CSMD1: variants seen among roughly 807,000 people sequenced by gnomAD.
CSMD1 encodes the protein CUB and sushi domain-containing protein 1.
CSMD1 carries 213 observed loss-of-function variants against 417.5 expected under a neutral mutation model. That is an observed-to-expected ratio of 0.51 (90% CI 0.46 to 0.57). The LOEUF (loss-of-function observed/expected upper bound fraction) is 0.57. Ranked by LOEUF, CSMD1 falls within the 20% of genes least tolerant of loss-of-function variation. The pLI, the probability that CSMD1 is intolerant of heterozygous loss-of-function variation, is 0.00. For synonymous variants in CSMD1, 2,862 were observed against 1,736.8 expected, an observed-to-expected ratio of 1.65 and a Z score of -16.11; for missense variants, 6,923 against 4,529.7, an observed-to-expected ratio of 1.53 and a Z score of -15.17.
intron 5 of CSMD1, among the ~76,000 whole-genome samples, chr8:3,947,787 C>T (rs765188370): frequency 4.6e-5 from 7 of 152,224 alleles, no homozygotes; most frequent in Non-Finnish European, 8.8e-5. Flanking sequence ...CTGTGTCTTC[C>T]GCTGTTCAAG....
intron 15 of CSMD1, among the ~76,000 whole-genome samples, chr8:3,401,957 C>G (rs897957834): frequency 1.4e-5 from 2 of 147,282 alleles, no homozygotes; most frequent in African/African-American, 5.0e-5. Flanking sequence ...TTCTTCTTTG[C>G]TTTTTTTTTT....
At chr8:3,280,142 T>C (rs1000387192) in intron 26 of CSMD1, among the ~76,000 whole-genome samples, 2 of 152,132 alleles carry the variant, frequency 1.3e-5, no homozygotes, top group Non-Finnish European at 2.9e-5. Context: ...TCTTCACCCA[T>C]GCTGGGGCTT....
chr8:3,505,065 A>T lies in CSMD1; in HGVS notation c.1345-11339T>A, dbSNP rs146298294. On this transcript the variant is annotated intron_variant, in intron 10 of 69. Transcript: ENST00000635120. ...TAAGATGGGAGAATAAGCTAGTGAG[A>T]ATTTCAGGAGAATTTCTGTAACCCC... is the stretch of plus-strand genomic sequence containing the variant. Among the ~76,000 whole-genome samples the T allele has an allele frequency of 8.3e-4, 127 of 152,266 alleles. 3 individuals carry two copies. The East Asian group carries it at 0.019, about 23-fold the overall frequency.
intron 1 of CSMD1, among the ~76,000 whole-genome samples, chr8:4,942,177 C>A (rs1411757877): frequency 6.6e-6 from 1 of 152,098 alleles, no homozygotes; most frequent in South Asian, 2.1e-4. Flanking sequence ...TTATTTTCAT[C>A]CACTTTTGCT....
intron 3 of CSMD1, among the ~76,000 whole-genome samples, chr8:4,135,956 T>A (rs34460876): frequency 2.6e-5 from 4 of 151,928 alleles, no homozygotes; most frequent in African/African-American, 9.7e-5. Flanking sequence ...CTATTGGTGT[T>A]AAGTCAAATA....
intron 5 of CSMD1, among the ~76,000 whole-genome samples, chr8:3,818,054 G>C (rs1001923013): frequency 1.3e-5 from 2 of 152,032 alleles, no homozygotes; most frequent in Non-Finnish European, 2.9e-5. Context: ...GTTCTATTCG[G>C]CTTGGAGCAG....
At position 3,611,656 on chromosome 8, in the gene CSMD1, T is replaced by C. The variant is rs563121712; in HGVS notation, c.1097+5054A>G. ...TTTCAAAAGCTGGTATCTATCATCA[T>C]GAGTTTGACAGTTTTTCAATGCTTT... is the stretch of plus-strand genomic sequence containing the variant. On this transcript the variant is annotated intron_variant, in intron 8 of 69. Coordinates refer to ENST00000635120, the MANE Select transcript of CSMD1 (RefSeq NM_033225.6). Among the ~76,000 whole-genome samples the C allele has an allele frequency of 9.2e-5, 14 of 152,304 alleles. No individual in the cohort carries two copies. In the East Asian group the frequency reaches 2.5e-3, roughly 27 times the overall value.
chr8:4,215,982 C>G (rs147963275), intron 3 of CSMD1, among the ~76,000 whole-genome samples: 170 of 152,290 alleles, frequency 1.1e-3, no homozygotes, highest in African/African-American at 3.9e-3. Context: ...GACTTAAACT[C>G]AGAGAGTGGT....
intron 50 of CSMD1, among the ~76,000 whole-genome samples, chr8:3,046,231 C>T (rs77418419): frequency 5.9e-5 from 9 of 152,224 alleles, no homozygotes; most frequent in Middle Eastern, 3.4e-3. Flanking sequence ...GGGTTTCAGG[C>T]GCTCAGGTGG....
chr8:4,194,034 T>A (rs1288088139), intron 3 of CSMD1, among the ~76,000 whole-genome samples: 2 of 152,172 alleles, frequency 1.3e-5, no homozygotes, highest in African/African-American at 2.4e-5. Flanking sequence ...AGGCATGATA[T>A]TAAAATTATA....
At chr8:3,308,971 C>T (rs999989374) in intron 23 of CSMD1, among the ~76,000 whole-genome samples, 1 of 151,992 alleles carries the variant, frequency 6.6e-6, no homozygotes, top group Non-Finnish European at 1.5e-5. Flanking sequence ...GCAATCCACC[C>T]CCTCAGCCTC....
At chr8:4,056,143 A>G (rs1404570186) in intron 3 of CSMD1, among the ~76,000 whole-genome samples, 1 of 127,448 alleles carries the variant, frequency 7.8e-6, no homozygotes, top group Non-Finnish European at 1.6e-5. Flanking sequence ...ATACAGTGGC[A>G]CCATCTTGGC....
intron 26 of CSMD1, among the ~76,000 whole-genome samples, chr8:3,270,477 A>G (rs1388293314): frequency 6.6e-6 from 1 of 152,248 alleles, no homozygotes; most frequent in Non-Finnish European, 1.5e-5. Flanking sequence ...TGGTTACTTA[A>G]AAAATGACCA....
chr8:4,534,257 C>T (rs1161917972), intron 2 of CSMD1, among the ~76,000 whole-genome samples: 3 of 152,174 alleles, frequency 2.0e-5, no homozygotes, highest in African/African-American at 4.8e-5. Context: ...CCCAAGGATG[C>T]TGAAGGACGC....
At chr8:4,965,386 A>C (rs1320218346) in intron 1 of CSMD1, among the ~76,000 whole-genome samples, 3 of 152,194 alleles carry the variant, frequency 2.0e-5, no homozygotes, top group Admixed American at 2.0e-4. Flanking sequence ...CCCCTATCTG[A>C]ATATTTTGAT....
intron 3 of CSMD1, among the ~76,000 whole-genome samples, chr8:4,361,179 A>C (rs1801737686): frequency 6.6e-6 from 1 of 152,220 alleles, no homozygotes; most frequent in African/African-American, 2.4e-5. Context: ...TAGACTTATT[A>C]AGCTGTGAGG....
intron 3 of CSMD1, among the ~76,000 whole-genome samples, chr8:4,419,241 G>A (rs568439679): frequency 5.3e-5 from 8 of 152,208 alleles, no homozygotes; most frequent in South Asian, 4.1e-4. Flanking sequence ...CTTGTATTAC[G>A]TGTAAAAGGC....
At chr8:4,600,494 A>C (rs761999132) in intron 2 of CSMD1, among the ~76,000 whole-genome samples, 24 of 151,562 alleles carry the variant, frequency 1.6e-4, no homozygotes, top group Non-Finnish European at 3.1e-4. Context: ...ATAATAGGCT[A>C]AATAAATATA....
At chr8:3,843,196 T>C (rs189395052) in intron 5 of CSMD1, among the ~76,000 whole-genome samples, 99 of 152,300 alleles carry the variant, frequency 6.5e-4, no homozygotes, top group African/African-American at 2.3e-3. Context: ...TTTGTTTCCT[T>C]GAAAACCTTG....
Sources: allele counts gnomAD v4.1 joint callset (sites outside exome capture counted in the v4.1 genomes callset), GRCh38; gene constraint gnomAD v4.1.1; transcripts MANE v1.5; gene names NCBI Gene and HGNC (gene_info 2026-07-23, HGNC 2026-07-21).